ATP8B4: variants seen among roughly 807,000 people sequenced by gnomAD.
The protein encoded by ATP8B4 is probable phospholipid-transporting ATPase IM.
Under a neutral mutation model 145.6 loss-of-function variants are expected in ATP8B4, and 133 were observed. The ratio of observed to expected loss-of-function variants is 0.91; its 90% confidence interval spans 0.79 to 1.05. The LOEUF (loss-of-function observed/expected upper bound fraction) is 1.05. Among genes scored for constraint, ATP8B4 ranks in the 50% least tolerant of loss-of-function variants. ATP8B4 has a pLI of 0.00. For missense variants in ATP8B4, 1,458 were observed against 1,425.2 expected, an observed-to-expected ratio of 1.02 and a Z score of -0.37; for synonymous variants, 507 against 492.9, an observed-to-expected ratio of 1.03 and a Z score of -0.38.
intron 2 of ATP8B4, among the ~76,000 whole-genome samples, chr15:50,102,427 A>T (rs1293205459): frequency 1.3e-5 from 2 of 152,162 alleles, no homozygotes; most frequent in Admixed American, 6.5e-5. Flanking sequence ...AACCAATACC[A>T]CAGAAATACA....
intron 2 of ATP8B4, among the ~76,000 whole-genome samples, chr15:50,104,299 T>C (rs918158815): frequency 1.3e-5 from 2 of 151,942 alleles, no homozygotes; most frequent in African/African-American, 4.8e-5. Context: ...CAACCCACAG[T>C]GTAGGAGAAA....
At chr15:50,155,175 A>G (rs2044395490) in intron 1 of ATP8B4, among the ~76,000 whole-genome samples, 1 of 152,112 alleles carries the variant, frequency 6.6e-6, no homozygotes, top group African/African-American at 2.4e-5. Context: ...ATATATATTC[A>G]TTTTGTCAAT....
chr15:49,953,465 T>C (rs1429923424), intron 14 of ATP8B4, among the ~76,000 whole-genome samples: 1 of 152,180 alleles, frequency 6.6e-6, no homozygotes, highest in African/African-American at 2.4e-5. Flanking sequence ...GGGTCAGGGT[T>C]AGACCTGAAG....
At chr15:50,135,960 G>A (rs1449503728) in intron 1 of ATP8B4, among the ~76,000 whole-genome samples, 1 of 152,210 alleles carries the variant, frequency 6.6e-6, no homozygotes, top group Non-Finnish European at 1.5e-5. Context: ...TTCAATGAAA[G>A]GTGAAGCTGT....
chr15:50,161,341 T>C (rs1291342707), intron 1 of ATP8B4, among the ~76,000 whole-genome samples: 2 of 152,102 alleles, frequency 1.3e-5, no homozygotes, highest in Non-Finnish European at 1.5e-5. Context: ...TGTCTTTTCA[T>C]TGGAGAGTTT....
At chr15:49,914,485 T>C (rs1211824014) in intron 20 of ATP8B4, among the ~76,000 whole-genome samples, 1 of 152,032 alleles carries the variant, frequency 6.6e-6, no homozygotes, top group Admixed American at 6.5e-5. Flanking sequence ...TGAGACTACA[T>C]GAAATGAAAA....
intron 13 of ATP8B4, among the ~76,000 whole-genome samples, chr15:49,970,487 C>T (rs1011919967): frequency 6.6e-6 from 1 of 152,174 alleles, no homozygotes; most frequent in African/African-American, 2.4e-5. Flanking sequence ...AATAGACAAA[C>T]AGAGAGCCAA....
intron 14 of ATP8B4, among the ~76,000 whole-genome samples, chr15:49,947,679 G>A (rs1186100156): frequency 6.6e-6 from 1 of 152,062 alleles, no homozygotes; most frequent in Non-Finnish European, 1.5e-5. Flanking sequence ...TCTTGAGGAA[G>A]AAGGACCAAG....
At chr15:50,005,230 T>C (rs1358268861) in intron 7 of ATP8B4, among the ~76,000 whole-genome samples, 1 of 152,122 alleles carries the variant, frequency 6.6e-6, no homozygotes, top group African/African-American at 2.4e-5. Context: ...CCAACTTCCA[T>C]GGGCAACAGA....
At chr15:49,924,027 C>T (rs949502376) in intron 16 of ATP8B4, among the ~76,000 whole-genome samples, 5 of 151,830 alleles carry the variant, frequency 3.3e-5, no homozygotes, top group Admixed American at 6.6e-5. Context: ...CTTGGTGGTT[C>T]GTTCCTGGGT....
chr15:50,102,279 C>T (rs1384473147), intron 2 of ATP8B4, among the ~76,000 whole-genome samples: 1 of 151,306 alleles, frequency 6.6e-6, no homozygotes, highest in African/African-American at 2.4e-5. Flanking sequence ...AAAAAAAAAC[C>T]ACACAAAAGA....
intron 6 of ATP8B4, among the ~76,000 whole-genome samples, chr15:50,022,081 T>C (rs1267819255): frequency 6.6e-6 from 1 of 152,114 alleles, no homozygotes; most frequent in Non-Finnish European, 1.5e-5. Context: ...ATAAAAACTT[T>C]TTTCCAAAGG....
rs2040417566 is a variant in ATP8B4 at position 49,923,275 on chromosome 15, A to C, written c.1758+104T>G. 1.4e-5 allele frequency: 11 copies of C among 796,906 alleles called. No individual in the cohort carries two copies. The South Asian group carries it at 1.6e-4, about 12-fold the overall frequency. The allele number at this position is 796,906 out of a possible 1,614,324, so 49.4% of individuals were successfully genotyped here. ...TGGAACCATTCTCCAGATGCTTTCT[A>C]TTTCAGTAGTCAAATCATCTAGCTG... On this transcript the variant is annotated intron_variant, in intron 17 of 27. Coordinates refer to ENST00000284509, the MANE Select transcript of ATP8B4 (RefSeq NM_024837.4).
chr15:50,007,129 T>G (rs1286149884), intron 7 of ATP8B4, among the ~76,000 whole-genome samples: 1 of 151,892 alleles, frequency 6.6e-6, no homozygotes, highest in Non-Finnish European at 1.5e-5. Flanking sequence ...AAATAAAAGG[T>G]AAGTAACTTC....
intron 3 of ATP8B4, among the ~76,000 whole-genome samples, chr15:50,054,733 G>A (rs539483073): frequency 1.4e-4 from 19 of 140,476 alleles, no homozygotes; most frequent in South Asian, 2.3e-4. Flanking sequence ...GCAGTGAGCC[G>A]AGATCGTGCC....
At chr15:50,121,754 C>T (rs756546185), upstream of ATP8B4, among the ~76,000 whole-genome samples, 6 of 152,074 alleles carry the variant, frequency 3.9e-5, no homozygotes, top group Non-Finnish European at 7.4e-5. Flanking sequence ...ACTGTCAGAA[C>T]GCCAGGTCTG....
chr15:50,008,086 A>G (rs1001863798), intron 7 of ATP8B4, among the ~76,000 whole-genome samples: 1 of 152,092 alleles, frequency 6.6e-6, no homozygotes, highest in Non-Finnish European at 1.5e-5. Flanking sequence ...CTGTTAGACA[A>G]ACTCATTGAG....
At chr15:50,052,119 G>A (rs1401935291) in intron 3 of ATP8B4, among the ~76,000 whole-genome samples, 2 of 152,200 alleles carry the variant, frequency 1.3e-5, no homozygotes, top group African/African-American at 2.4e-5. Context: ...AAGCATATGA[G>A]TACTGCATTG....
At chr15:49,879,066 A>G (rs759860717) in intron 24 of ATP8B4, among the ~76,000 whole-genome samples, 10 of 152,352 alleles carry the variant, frequency 6.6e-5, no homozygotes, top group South Asian at 4.1e-4. Flanking sequence ...AGTTTGGGAA[A>G]TGCTGGGTTA....
Sources: gnomAD v4.1 joint callset for allele counts (sites outside exome capture counted in the v4.1 genomes callset) on GRCh38, gnomAD v4.1.1 for gene constraint, MANE v1.5 for transcripts, NCBI Gene and HGNC (gene_info 2026-07-23, HGNC 2026-07-21) for gene names.